GALNT7: variants seen among roughly 807,000 people sequenced by gnomAD.
The protein encoded by GALNT7 is N-acetylgalactosaminyltransferase 7.
In GALNT7, 60 loss-of-function variants were observed where a neutral mutation model predicts 82.1. The ratio of observed to expected loss-of-function variants is 0.73; its 90% CI spans 0.59 to 0.91. The LOEUF (loss-of-function observed/expected upper bound fraction) is 0.91, where lower values mean the gene tolerates loss of function less well. Ranked by LOEUF, GALNT7 falls within the 40% of genes least tolerant of loss-of-function variation. The pLI, the probability that GALNT7 is intolerant of heterozygous loss-of-function variation, is 0.00. For synonymous variants in GALNT7, 243 were observed against 275.1 expected (o/e 0.88, Z 1.15); for missense variants, 660 against 804.2 (o/e 0.82, Z 2.17).
chr4:173,288,430 C>T (rs1736419001), intron 2 of GALNT7, among the ~76,000 whole-genome samples: 1 of 151,608 alleles, frequency 6.6e-6, no homozygotes, highest in East Asian at 1.9e-4. Context: ...AATTGAGGAA[C>T]TAGAGGTTTT....
chr4:173,207,095 G>T (rs1240036721), intron 1 of GALNT7, among the ~76,000 whole-genome samples: 1 of 152,246 alleles, frequency 6.6e-6, no homozygotes, highest in East Asian at 1.9e-4. Context: ...GTTGCTGTGT[G>T]TCTAAGGTGT....
chr4:173,301,304 G>C (rs528421391), intron 6 of GALNT7, among the ~76,000 whole-genome samples: 1 of 152,180 alleles, frequency 6.6e-6, no homozygotes, highest in East Asian at 1.9e-4. Context: ...TTGTTCAGGG[G>C]AGGGGAGCAG....
At chr4:173,208,884 A>G (rs1304850268) in intron 1 of GALNT7, among the ~76,000 whole-genome samples, 1 of 152,226 alleles carries the variant, frequency 6.6e-6, no homozygotes, top group African/African-American at 2.4e-5. Flanking sequence ...CGCCATGTTT[A>G]GAAAGTCTTT....
chr4:173,219,333 GGTGT>G (rs140058780), intron 1 of GALNT7, among the ~76,000 whole-genome samples: 7 of 150,258 alleles, frequency 4.7e-5, no homozygotes, highest in African/African-American at 1.2e-4. Context: ...AGTGTTCCAT[GGTGT>G]GTGTGTGTGT....
intron 1 of GALNT7, among the ~76,000 whole-genome samples, chr4:173,210,689 C>T (rs906088163): frequency 6.6e-6 from 1 of 152,130 alleles, no homozygotes; most frequent in African/African-American, 2.4e-5. Context: ...ACCTCGGCCT[C>T]GCAGCGTACT....
Position 173,321,852 on chromosome 4 carries a change from A to G in GALNT7, c.*135A>G. ...ACCTGGAACCTCCTGATCAGTTTGA[A>G]GGACATTGATAAACTGTGATTTTAC... On this transcript the variant is annotated 3_prime_UTR_variant, in exon 12 of 12. Coordinates refer to ENST00000265000, the MANE Select transcript of GALNT7 (RefSeq NM_017423.3). 1.7e-6 allele frequency: 1 copy of G among 588,138 alleles called. No individual in the cohort carries two copies. The highest frequency in any genetic ancestry group is 3.0e-6 in the Non-Finnish European group (1 of 330,800). The allele number at this position is 588,138 out of a possible 1,614,324, so 36.4% of individuals were successfully genotyped here.
chr4:173,197,721 C>T (rs1350862151), intron 1 of GALNT7, among the ~76,000 whole-genome samples: 2 of 152,148 alleles, frequency 1.3e-5, no homozygotes, highest in Non-Finnish European at 2.9e-5. Context: ...AGGGTCATCC[C>T]ATAGGATGTC....
intron 9 of GALNT7, among the ~76,000 whole-genome samples, chr4:173,314,702 T>A (rs1737528725): frequency 6.6e-6 from 1 of 152,184 alleles, no homozygotes; most frequent in African/African-American, 2.4e-5. Flanking sequence ...GCTTTTCAAA[T>A]GAATTAAAAA....
intron 1 of GALNT7, among the ~76,000 whole-genome samples, chr4:173,175,677 A>G (rs1732014903): frequency 6.6e-6 from 1 of 152,248 alleles, no homozygotes; most frequent in Non-Finnish European, 1.5e-5. Flanking sequence ...AAGTCTGAGC[A>G]CATCTGGACT....
chr4:173,269,840 G>T (rs950976153), intron 2 of GALNT7, among the ~76,000 whole-genome samples: 3 of 152,012 alleles, frequency 2.0e-5, no homozygotes, highest in African/African-American at 7.3e-5. Flanking sequence ...GATAGACCAC[G>T]GCCATAAAGT....
chr4:173,232,097 A>G (rs1734048438), intron 1 of GALNT7, among the ~76,000 whole-genome samples: 1 of 152,190 alleles, frequency 6.6e-6, no homozygotes. Flanking sequence ...GCTGTAGGCT[A>G]AGGCTGGTAA....
At chr4:173,176,553 C>A (rs546248870) in intron 1 of GALNT7, among the ~76,000 whole-genome samples, 1 of 152,190 alleles carries the variant, frequency 6.6e-6, no homozygotes, top group South Asian at 2.1e-4. Flanking sequence ...AGTTTGTGGG[C>A]CAGATGCACA....
chr4:173,197,384 G>A (rs1246793599), intron 1 of GALNT7, among the ~76,000 whole-genome samples: 1 of 152,140 alleles, frequency 6.6e-6, no homozygotes, highest in Admixed American at 6.5e-5. Flanking sequence ...ATGGGGATAA[G>A]TTTTATACAC....
intron 1 of GALNT7, among the ~76,000 whole-genome samples, chr4:173,198,315 G>A (rs1732842380): frequency 6.6e-6 from 1 of 150,744 alleles, no homozygotes; most frequent in South Asian, 2.1e-4. Flanking sequence ...TGATCCGCCT[G>A]CCTCGGTCTC....
chr4:173,249,707 A>G (rs1002299426), intron 2 of GALNT7, among the ~76,000 whole-genome samples: 1 of 152,230 alleles, frequency 6.6e-6, no homozygotes, highest in Non-Finnish European at 1.5e-5. Flanking sequence ...CAAATATTGC[A>G]TGGGACATAC....
chr4:173,271,878 T>A (rs1287688739), intron 2 of GALNT7, among the ~76,000 whole-genome samples: 1 of 152,258 alleles, frequency 6.6e-6, no homozygotes, highest in Non-Finnish European at 1.5e-5. Flanking sequence ...AAATATTTTT[T>A]GTGCAACACC....
chr4:173,273,431 CTGT>C (rs1312160253), intron 2 of GALNT7, among the ~76,000 whole-genome samples: 2 of 152,142 alleles, frequency 1.3e-5, no homozygotes, highest in Non-Finnish European at 2.9e-5. Flanking sequence ...AAGGAGGCCC[CTGT>C]TGTTGTTGTT....
At chr4:173,175,161 AT>A (rs1408466073) in intron 1 of GALNT7, among the ~76,000 whole-genome samples, 1 of 152,252 alleles carries the variant, frequency 6.6e-6, no homozygotes, top group Non-Finnish European at 1.5e-5. Flanking sequence ...CTTTGTTCAT[AT>A]TTTGAATTTC....
At chr4:173,303,039 C>A (rs533951630) in intron 7 of GALNT7, among the ~76,000 whole-genome samples, 2,088 of 152,032 alleles carry the variant, frequency 0.014, 58 homozygotes, top group African/African-American at 0.048. Context: ...TACTAAAATA[C>A]AAAAAATTAG....
Sources: allele counts gnomAD v4.1 joint callset (sites outside exome capture counted in the v4.1 genomes callset), GRCh38; gene constraint gnomAD v4.1.1; transcripts MANE v1.5; gene names NCBI Gene and HGNC (gene_info 2026-07-23, HGNC 2026-07-21).